Variants in RECQL observed in about 807,000 individuals in gnomAD.
RECQL encodes RecQ like helicase.
A neutral mutation model predicts 75.8 loss-of-function variants in RECQL; 73 were observed. The ratio of observed to expected loss-of-function variants is 0.96; its 90% CI spans 0.80 to 1.17. The LOEUF (loss-of-function observed/expected upper bound fraction) is 1.17. Ranked by LOEUF, RECQL falls within the 50% of genes most tolerant of loss-of-function variation. The probability of loss-of-function intolerance (pLI) is 0.00; values close to 1 mark genes in which losing one functional copy is unlikely to be tolerated. For synonymous variants in RECQL, 248 were observed against 254.4 expected, an observed-to-expected ratio of 0.97 and a Z score of 0.24; for missense variants, 699 against 772.1, an observed-to-expected ratio of 0.91 and a Z score of 1.12.
chr12:21,499,918 A>G (rs1943575726), intron 1 of RECQL, among the ~76,000 whole-genome samples: 1 of 152,242 alleles, frequency 6.6e-6, no homozygotes, highest in African/African-American at 2.4e-5. Flanking sequence ...CTCAGCAAAC[A>G]TCCACAAGAT....
At chr12:21,490,801 TTGTGGTTGTGCC>T (rs1412599186) in intron 3 of RECQL, among the ~76,000 whole-genome samples, 1 of 151,948 alleles carries the variant, frequency 6.6e-6, no homozygotes, top group East Asian at 1.9e-4. Context: ...CTGCAGTGAG[TTGTGGTTGTGCC>T]ACTGCACTCC....
At chr12:21,479,394 C>T (rs1943149909) in intron 6 of RECQL, among the ~76,000 whole-genome samples, 1 of 149,922 alleles carries the variant, frequency 6.7e-6, no homozygotes, top group African/African-American at 2.5e-5. Flanking sequence ...ACTCTGTCAC[C>T]CAGGTTGGAG....
At position 21,474,858 on chromosome 12, in the gene RECQL, G is replaced by A. The variant is rs766484089; in HGVS notation, c.1338C>T (p.Tyr446=). The change falls in exon 11 of 15, where the codon TAC becomes TAT. Residue 446 remains tyrosine, a synonymous_variant. Coordinates refer to ENST00000444129, the MANE Select transcript of RECQL (RefSeq NM_002907.4). ...GQQKLYEMVS[Y]CQNISKCRRV... ...TGGCTTACTTGCTTATGTTTTGACA[G>A]TATGATACCATCTCATAAAGCTTCT... The A allele has an allele frequency of 6.2e-7, 1 of 1,612,706 alleles. No homozygotes were observed. The highest frequency in any genetic ancestry group is 8.5e-7 in the Non-Finnish European group (1 of 1,178,898).
chr12:21,496,991 G>A (rs1943520903), intron 2 of RECQL, among the ~76,000 whole-genome samples: 1 of 152,222 alleles, frequency 6.6e-6, no homozygotes, highest in Non-Finnish European at 1.5e-5. Flanking sequence ...TCACAACAAA[G>A]ATGATAAGGA....
chr12:21,484,912 GA>G (rs969941827), intron 5 of RECQL, among the ~76,000 whole-genome samples: 8 of 149,850 alleles, frequency 5.3e-5, no homozygotes, highest in South Asian at 2.1e-4. Context: ...TAAAGAAAGG[GA>G]AAAAAAAATC....
chr12:21,486,345 G>C, intron 5 of RECQL, 134 bp downstream of exon 5: 2 of 1,160,986 alleles, frequency 1.7e-6, no homozygotes, highest in Non-Finnish European at 2.3e-6. Context: ...GCCAGAACTG[G>C]CCAAGAGCAG....
intron 6 of RECQL, among the ~76,000 whole-genome samples, chr12:21,479,439 A>G (rs905025397): frequency 3.5e-5 from 5 of 142,832 alleles, no homozygotes; most frequent in Non-Finnish European, 7.5e-5. Context: ...TGCAAGCTCC[A>G]CCTCCCGGGT....
In RECQL at chr12:21,491,611, AC is replaced by A. The variant is rs1943415792; in HGVS notation, c.121del (p.Val41SerfsTer2). On this transcript the variant is annotated frameshift_variant, in exon 3 of 15. Coordinates refer to ENST00000444129, the MANE Select transcript of RECQL (RefSeq NM_002907.4). LOFTEE classifies it high-confidence loss of function. Reference protein sequence around the residue: ...RQQELIQKKKVLTKKIKQCLE... With the variant: ...RQQELIQKKKXLTKKIKQCLE... ...ACACTGCTTTATTTTCTTTGTCAGG[AC>A]TTTTTTTTTCTGAATAAGCTCTTGT... The A allele has an allele frequency of 6.2e-7, 1 of 1,613,156 alleles. No individual in the cohort carries two copies. The highest frequency in any genetic ancestry group is 1.7e-5 in the Admixed American group (1 of 59,898).
chr12:21,499,935 T>C (rs956572990), intron 1 of RECQL, among the ~76,000 whole-genome samples: 1 of 152,082 alleles, frequency 6.6e-6, no homozygotes, highest in Non-Finnish European at 1.5e-5. Flanking sequence ...AGATACAAAG[T>C]GATGTAACAA....
At chr12:21,493,773 G>C (rs1317593403) in intron 2 of RECQL, among the ~76,000 whole-genome samples, 1 of 152,126 alleles carries the variant, frequency 6.6e-6, no homozygotes, top group Non-Finnish European at 1.5e-5. Context: ...TTGTTGCCTT[G>C]TATGGGACTG....
At chr12:21,495,942 G>A (rs564807833) in intron 2 of RECQL, among the ~76,000 whole-genome samples, 1 of 152,282 alleles carries the variant, frequency 6.6e-6, no homozygotes, top group East Asian at 1.9e-4. Flanking sequence ...TGTATACTGA[G>A]AACAGATATA....
intron 6 of RECQL, among the ~76,000 whole-genome samples, chr12:21,481,032 TTC>T (rs748937509): frequency 6.6e-6 from 1 of 152,224 alleles, no homozygotes; most frequent in East Asian, 1.9e-4. Context: ...TTCTAAAAAA[TTC>T]TCTCTGTTCA....
chr12:21,470,863 C>T (rs1473645780), intron 14 of RECQL, 106 bp downstream of exon 14: 1 of 779,080 alleles, frequency 1.3e-6, no homozygotes, highest in Non-Finnish European at 1.8e-6. Flanking sequence ...AGAAAACTGA[C>T]TTTTCTCATG....
At chr12:21,490,955 T>A (rs571052014) in intron 3 of RECQL, among the ~76,000 whole-genome samples, 12 of 152,340 alleles carry the variant, frequency 7.9e-5, no homozygotes, top group African/African-American at 2.9e-4. Flanking sequence ...ATTGTCTGAA[T>A]GTTGATCAGG....
intron 7 of RECQL, 84 bp from the exon 8 acceptor site, chr12:21,477,076 C>A: frequency 1.2e-6 from 1 of 857,916 alleles, no homozygotes; most frequent in Non-Finnish European, 1.8e-6. Flanking sequence ...GGATGCAGTT[C>A]TTTCATGACC....
intron 12 of RECQL, among the ~76,000 whole-genome samples, chr12:21,472,238 C>T (rs1299222311): frequency 6.6e-6 from 1 of 151,934 alleles, no homozygotes; most frequent in Non-Finnish European, 1.5e-5. Flanking sequence ...ATACAACACA[C>T]GGATGAAAAA....
chr12:21,471,229 C>T, intron 13 of RECQL, 131 bp from the exon 14 acceptor site: 1 of 1,046,700 alleles, frequency 9.6e-7, no homozygotes, highest in East Asian at 2.7e-5. Flanking sequence ...TACAAGAATG[C>T]AAATAAAGCC....
At chr12:21,476,017 C>T (rs1283762048) in intron 8 of RECQL, among the ~76,000 whole-genome samples, 193 bp from the exon 9 acceptor site, 1 of 151,944 alleles carries the variant, frequency 6.6e-6, no homozygotes, top group Non-Finnish European at 1.5e-5. Context: ...TCCTTTAAAG[C>T]AGAAATGAGC....
At position 21,490,337 on chromosome 12, in the gene RECQL, C is replaced by T. The variant is rs996086612; in HGVS notation, c.256G>A (p.Val86Ile). The change falls in exon 4 of 15, where the codon GTC (valine) becomes ATC (isoleucine). Residue 86 changes from valine (V) to isoleucine (I), a missense_variant. Physicochemically the swap from Val to Ile is conservative, Grantham distance 29. Coordinates refer to ENST00000444129, the MANE Select transcript of RECQL (RefSeq NM_002907.4). ...SGKVKDILQN[V>I]FKLEKFRPLQ... ...GGTCTGAACTTTTCCAGTTTAAAGA[C>T]ATTTTGCAGAATATCTTTAACTTTA... is the stretch of plus-strand genomic sequence containing the variant. 6.2e-7 allele frequency: 1 copy of T among 1,612,326 alleles called. No homozygotes were observed. Among genetic ancestry groups the T allele is most frequent in the East Asian group, 2.2e-5 (1 of 44,774 alleles).
Sources: allele counts gnomAD v4.1 joint callset (sites outside exome capture counted in the v4.1 genomes callset), GRCh38; gene constraint gnomAD v4.1.1; transcripts MANE v1.5; gene names NCBI Gene and HGNC (gene_info 2026-07-23, HGNC 2026-07-21).